Variants in EHMT1 observed in about 807,000 individuals in gnomAD.
EHMT1 encodes euchromatic histone lysine methyltransferase 1.
Under a neutral mutation model 147.2 loss-of-function variants are expected in EHMT1, and 15 were observed. The observed-to-expected ratio is 0.10, with a 90% CI of 0.07 to 0.16. The LOEUF (loss-of-function observed/expected upper bound fraction) is 0.16. Ranked by LOEUF, EHMT1 falls within the 10% of genes least tolerant of loss-of-function variation. The pLI is 1.00. For synonymous variants in EHMT1, 795 were observed against 709.6 expected (o/e 1.12, Z -1.91); for missense variants, 1,587 against 1,772.4 (o/e 0.90, Z 1.88).
At chr9:137,740,976 A>ATTTT (rs1167049276) in intron 4 of EHMT1, among the ~76,000 whole-genome samples, 4 of 119,504 alleles carry the variant, frequency 3.3e-5, no homozygotes, top group African/African-American at 1.3e-4. Context: ...CCCCGACATG[A>ATTTT]TTTTTTTTTT....
intron 1 of EHMT1, among the ~76,000 whole-genome samples, chr9:137,705,883 C>T (rs1944225997): frequency 6.6e-6 from 1 of 152,216 alleles, no homozygotes; most frequent in Admixed American, 6.5e-5. Context: ...ACGGTCCCCT[C>T]CTCTCCCCAC....
chr9:137,762,269 T>C (rs1391567331), intron 9 of EHMT1, among the ~76,000 whole-genome samples: 4 of 152,202 alleles, frequency 2.6e-5, no homozygotes, highest in East Asian at 1.9e-4. Flanking sequence ...TGATTTTTTT[T>C]TTTTTGTGGC....
chr9:137,629,660 T>C (rs1027131973), intron 1 of EHMT1, among the ~76,000 whole-genome samples: 1 of 152,208 alleles, frequency 6.6e-6, no homozygotes, highest in African/African-American at 2.4e-5. Flanking sequence ...CCCAAAGTGC[T>C]GAGGTTACAG....
chr9:137,661,652 A>T (rs1379333741), intron 1 of EHMT1, among the ~76,000 whole-genome samples: 1 of 151,398 alleles, frequency 6.6e-6, no homozygotes, highest in Non-Finnish European at 1.5e-5. Context: ...TGCCTGGCTA[A>T]TTTTTGTATT....
chr9:137,763,004 C>T (rs967984445), intron 10 of EHMT1, 184 bp downstream of exon 10: 1 of 762,796 alleles, frequency 1.3e-6, no homozygotes, highest in Non-Finnish European at 2.2e-6. Context: ...TGATGAAACA[C>T]AGGTCTAGAG....
intron 3 of EHMT1, among the ~76,000 whole-genome samples, chr9:137,723,558 T>C (rs1413490422): frequency 1.4e-5 from 2 of 139,970 alleles, no homozygotes; most frequent in Non-Finnish European, 3.1e-5. Flanking sequence ...CCGGGGTGTG[T>C]CCGTGTCTGT....
intron 1 of EHMT1, among the ~76,000 whole-genome samples, chr9:137,626,619 C>G (rs1843275768): frequency 6.6e-6 from 1 of 150,996 alleles, no homozygotes; most frequent in Non-Finnish European, 1.5e-5. Context: ...AGTCTTTCTT[C>G]TATGATGTAA....
At chr9:137,781,393 CGCTGGGATGTGTGGTGATGAT>C (rs1951531683) in intron 14 of EHMT1, among the ~76,000 whole-genome samples, 3 of 145,134 alleles carry the variant, frequency 2.1e-5, no homozygotes, top group Non-Finnish European at 4.5e-5. Flanking sequence ...GTGGTGATGA[CGCTGGGATGTGTGGTGATGAT>C]GCTGAGATGT....
intron 10 of EHMT1, among the ~76,000 whole-genome samples, chr9:137,768,820 G>C (rs903747954): frequency 6.6e-6 from 1 of 151,988 alleles, no homozygotes; most frequent in African/African-American, 2.4e-5. Context: ...AAAGTGCTGG[G>C]ATTACAGGCG....
intron 3 of EHMT1, among the ~76,000 whole-genome samples, chr9:137,720,391 C>A (rs1292032885): frequency 6.6e-6 from 1 of 152,110 alleles, no homozygotes; most frequent in African/African-American, 2.4e-5. Flanking sequence ...GCAACCTCTG[C>A]CTCCCAGGCT....
chr9:137,795,401 G>GCA lies in EHMT1; in HGVS notation c.2506-3386_2506-3385dup, dbSNP rs554055210. Among the ~76,000 whole-genome samples the GCA allele has an allele frequency of 2.9e-3, 379 of 130,276 alleles. 1 individual carries two copies. The highest frequency in any genetic ancestry group is 0.012 in the South Asian group (42 of 3,604). The allele number at this position is 130,276 out of a possible 152,430, so 85.5% of individuals were successfully genotyped here. On this transcript the variant is annotated intron_variant, in intron 16 of 26. Coordinates refer to ENST00000460843, the MANE Select transcript of EHMT1 (RefSeq NM_024757.5). The stretch of plus-strand genomic sequence containing the variant: ...CCAGGACACCATCCTATCGCAGGGT[G>GCA]CACACACACACACACACACACACAC...
chr9:137,753,480 C>G (rs994882499), intron 7 of EHMT1, among the ~76,000 whole-genome samples: 1 of 152,224 alleles, frequency 6.6e-6, no homozygotes, highest in South Asian at 2.1e-4. Context: ...ACCGTCCTCA[C>G]GTGGGACCCA....
In EHMT1 at chr9:137,787,863, G is replaced by A; in HGVS notation, c.2383-2985G>A. Reference sequence around the variant, plus strand: ...GGTTGACGGTGGACATTGGGGATAGGAGGTGGGTGGGGGTGCCAAGGGCAT... The same window carrying A: ...GGTTGACGGTGGACATTGGGGATAGAAGGTGGGTGGGGGTGCCAAGGGCAT... On this transcript the variant is annotated intron_variant, in intron 15 of 26. Coordinates refer to ENST00000460843, the MANE Select transcript of EHMT1 (RefSeq NM_024757.5). The surrounding 1 kb of genome is among the most constrained non-coding windows in gnomAD (Gnocchi z 4.2). The A allele has an allele frequency of 8.8e-7, 1 of 1,132,720 alleles. No homozygotes were observed. Among genetic ancestry groups the A allele is most frequent in the Non-Finnish European group, 1.3e-6 (1 of 744,798 alleles). The allele number at this position is 1,132,720 out of a possible 1,614,324, so 70.2% of individuals were successfully genotyped here.
intron 15 of EHMT1, chr9:137,788,640 G>T (rs904999679): frequency 1.3e-5 from 2 of 152,338 alleles, no homozygotes; most frequent in East Asian, 3.9e-4. Context: ...CGGGGACTGG[G>T]AGAGCGACTG....
At chr9:137,676,397 A>T (rs11137178) in intron 1 of EHMT1, 355 of 151,614 alleles carry the variant, frequency 2.3e-3, no homozygotes, top group South Asian at 6.0e-3. Context: ...ACAGGGTCTC[A>T]CTCTGTTGCC....
rs974401061 is a variant in EHMT1 at position 137,719,697 on chromosome 9, T to C, written c.642+2515T>C. Among the ~76,000 whole-genome samples, 5 of 152,318 alleles carry C rather than the reference T, an allele frequency of 3.3e-5. No homozygotes were observed. In the East Asian group the frequency reaches 9.6e-4, roughly 29 times the overall value. ...AATGTCAGACCCAGGATGCTGACAT[T>C]GGTAAAGTCCGTGGGGCTTACTCAG... On this transcript the variant is annotated intron_variant, in intron 3 of 26. Coordinates refer to ENST00000460843, the MANE Select transcript of EHMT1 (RefSeq NM_024757.5).
chr9:137,704,142 A>G (rs1310898774), intron 1 of EHMT1, among the ~76,000 whole-genome samples: 4 of 152,218 alleles, frequency 2.6e-5, no homozygotes, highest in African/African-American at 7.2e-5. Context: ...ATCTGCCCCC[A>G]TGATCCAGTT....
intron 1 of EHMT1, among the ~76,000 whole-genome samples, chr9:137,644,740 G>T (rs1844761227): frequency 6.6e-6 from 1 of 152,184 alleles, no homozygotes; most frequent in Non-Finnish European, 1.5e-5. Flanking sequence ...CCCTGATTGA[G>T]ATCTAGTCAT....
At chr9:137,803,835 A>C (rs60455714) in intron 18 of EHMT1, among the ~76,000 whole-genome samples, 1 of 150,248 alleles carries the variant, frequency 6.7e-6, no homozygotes, top group African/African-American at 2.5e-5. Flanking sequence ...TGTCTCAAAA[A>C]TTAAAAAAAA....
Sources: gnomAD v4.1 joint callset for allele counts (sites outside exome capture counted in the v4.1 genomes callset) on GRCh38, gnomAD v4.1.1 for gene constraint, Gnocchi (gnomAD v3.1) non-coding constraint, MANE v1.5 for transcripts, NCBI Gene and HGNC (gene_info 2026-07-23, HGNC 2026-07-21) for gene names.